SGCD: variants seen among roughly 807,000 people sequenced by gnomAD.
SGCD encodes the protein sarcoglycan delta.
SGCD carries 18 observed loss-of-function variants against 36.6 expected under a neutral mutation model. That is an observed-to-expected ratio of 0.49 (90% confidence interval 0.34 to 0.73). The LOEUF is 0.73. SGCD is among the 30% of genes least tolerant of loss of function. The probability of loss-of-function intolerance (pLI) is 0.01; values close to 1 mark genes in which losing one functional copy is unlikely to be tolerated. For missense variants in SGCD, 387 were observed against 346.7 expected (o/e 1.12, Z -0.92); for synonymous variants, 133 against 130.6 (o/e 1.02, Z -0.12).
At chr5:156,301,949 G>C (rs1767064569) in intron 3 of SGCD, among the ~76,000 whole-genome samples, 1 of 151,752 alleles carries the variant, frequency 6.6e-6, no homozygotes, top group Non-Finnish European at 1.5e-5. Context: ...CTTAATCCTT[G>C]ATCTTTGGAA....
the SGCD span, among the ~76,000 whole-genome samples, chr5:155,848,933 T>G: frequency 1.3e-5 from 2 of 152,186 alleles, no homozygotes; most frequent in Non-Finnish European, 2.9e-5. Flanking sequence ...ATGAATGAAT[T>G]AATTCGTGGG....
intron 7 of SGCD, among the ~76,000 whole-genome samples, chr5:156,700,228 A>C (rs889528599): frequency 1.3e-5 from 2 of 152,216 alleles, no homozygotes; most frequent in East Asian, 3.9e-4. Flanking sequence ...GTGGGTTGAC[A>C]GTACAGTCCA....
chr5:156,697,652 C>A (rs1340842100), intron 7 of SGCD, among the ~76,000 whole-genome samples: 2 of 152,150 alleles, frequency 1.3e-5, no homozygotes, highest in Non-Finnish European at 2.9e-5. Context: ...TCATAATTGC[C>A]TCCTTACTGG....
intron 3 of SGCD, among the ~76,000 whole-genome samples, chr5:156,484,998 T>C (rs1274479171): frequency 6.6e-6 from 1 of 152,214 alleles, no homozygotes; most frequent in Admixed American, 6.5e-5. Context: ...ATATCTGCCA[T>C]ATAACCTTTG....
In SGCD at chr5:156,051,105, A is replaced by T. The variant is rs1310957154; in HGVS notation, c.-281-66773A>T. On this transcript the variant is annotated intron_variant, in intron 1 of 9. Coordinates refer to the SGCD transcript ENST00000517913. Reference sequence around the variant, plus strand: ...AATAAACACTAAGCATTTCATTTTAAAAAAGGTTTGTTTGCCTTCTTAAAA... The same window carrying T: ...AATAAACACTAAGCATTTCATTTTATAAAAGGTTTGTTTGCCTTCTTAAAA... Among the ~76,000 whole-genome samples, 7 of 146,720 alleles carry T rather than the reference A, an allele frequency of 4.8e-5. 1 individual carries two copies. The highest frequency in any genetic ancestry group is 9.2e-5 in the Non-Finnish European group (6 of 65,090).
intron 1 of SGCD, among the ~76,000 whole-genome samples, chr5:155,937,328 G>A (rs1361002581): frequency 6.6e-6 from 1 of 152,302 alleles, no homozygotes; most frequent in East Asian, 1.9e-4. Context: ...TTCCATCAAG[G>A]TCACATATTG....
At chr5:155,963,799 T>A (rs980606722) in intron 1 of SGCD, among the ~76,000 whole-genome samples, 4 of 152,132 alleles carry the variant, frequency 2.6e-5, no homozygotes, top group African/African-American at 9.6e-5. Flanking sequence ...AAAAGTTTAG[T>A]GTTTTACTTT....
intron 1 of SGCD, among the ~76,000 whole-genome samples, chr5:156,008,184 A>G (rs544035545): frequency 2.2e-4 from 34 of 152,270 alleles, no homozygotes; most frequent in African/African-American, 7.9e-4. Context: ...CAAAATTACA[A>G]TTCTCACAGT....
intron 3 of SGCD, among the ~76,000 whole-genome samples, chr5:156,349,889 T>C (rs956255005): frequency 6.6e-6 from 1 of 151,978 alleles, no homozygotes; most frequent in Non-Finnish European, 1.5e-5. Context: ...GTGATATACA[T>C]ACACCATCAG....
intron 3 of SGCD, among the ~76,000 whole-genome samples, chr5:156,156,287 A>G (rs1488237271): frequency 6.6e-6 from 1 of 151,504 alleles, no homozygotes; most frequent in Non-Finnish European, 1.5e-5. Flanking sequence ...GTCGTTGTTC[A>G]TTTCTCATAT....
chr5:156,655,610 C>A (rs984355679), intron 7 of SGCD, among the ~76,000 whole-genome samples: 58 of 152,252 alleles, frequency 3.8e-4, no homozygotes, highest in African/African-American at 1.3e-3. Context: ...ATATCCATCT[C>A]AAGTAATGTT....
At chr5:156,513,543 A>G (rs780128394) in intron 4 of SGCD, among the ~76,000 whole-genome samples, 38 of 152,322 alleles carry the variant, frequency 2.5e-4, no homozygotes, top group Non-Finnish European at 1.8e-4. Flanking sequence ...AAAAGAGATC[A>G]GTGTCCAGTT....
chr5:155,820,938 A>G, the SGCD span, among the ~76,000 whole-genome samples: 2 of 152,134 alleles, frequency 1.3e-5, no homozygotes, highest in South Asian at 4.2e-4. Flanking sequence ...CAGAGAGAGC[A>G]TGGGATTGAC....
intron 3 of SGCD, among the ~76,000 whole-genome samples, chr5:156,504,643 G>A (rs188887149): frequency 3.3e-5 from 5 of 151,898 alleles, no homozygotes; most frequent in East Asian, 1.9e-4. Flanking sequence ...ACATGGTGAC[G>A]AACAACTCTA....
chr5:156,669,921 C>T (rs981691103), intron 7 of SGCD, among the ~76,000 whole-genome samples: 3 of 151,972 alleles, frequency 2.0e-5, no homozygotes, highest in Non-Finnish European at 2.9e-5. Context: ...AGTACCAAAA[C>T]GTTTCACAAG....
At chr5:155,871,674 GA>G (rs1009128844) in intron 1 of SGCD, among the ~76,000 whole-genome samples, 1 of 152,148 alleles carries the variant, frequency 6.6e-6, no homozygotes, top group African/African-American at 2.4e-5. Context: ...AGGGGAGACT[GA>G]AAGGAGGACA....
rs1758851458 is a variant in SGCD, at chr5:156,552,806, T to G, written c.295-36425T>G. Among the ~76,000 whole-genome samples the G allele has an allele frequency of 3.9e-5, 6 of 152,188 alleles. No homozygotes were observed. The South Asian group carries it at 1.2e-3, about 32-fold the overall frequency. ...CTGTTTGTCTTCAGCCCAAAATATT[T>G]TTAGATTTGTTTTCAGAATACCTTT... On this transcript the variant is annotated intron_variant, in intron 4 of 8. Transcript: ENST00000337851.
intron 3 of SGCD, among the ~76,000 whole-genome samples, chr5:156,168,388 G>A (rs1040937489): frequency 4.2e-4 from 64 of 151,404 alleles, no homozygotes; most frequent in African/African-American, 1.6e-3. Context: ...AAAAAAAAAT[G>A]GGCAACATAG....
intron 3 of SGCD, among the ~76,000 whole-genome samples, chr5:156,463,956 A>C (rs976760522): frequency 6.6e-6 from 1 of 152,184 alleles, no homozygotes; most frequent in African/African-American, 2.4e-5. Context: ...ACCCTGTCTT[A>C]AAACAAAACA....
Sources: gnomAD v4.1 joint callset for allele counts (sites outside exome capture counted in the v4.1 genomes callset) on GRCh38, gnomAD v4.1.1 for gene constraint, MANE v1.5 for transcripts, NCBI Gene and HGNC (gene_info 2026-07-23, HGNC 2026-07-21) for gene names.